Variants in TWSG1 observed in about 807,000 individuals in gnomAD.
TWSG1 encodes twisted gastrulation BMP signaling modulator 1, also known as twisted gastrulation protein homolog 1.
TWSG1 carries 15 observed loss-of-function variants against 23.0 expected under a neutral mutation model. The ratio of observed to expected loss-of-function variants is 0.65; its 90% CI spans 0.44 to 1.00. The LOEUF is 1.00. Among genes scored for constraint, TWSG1 ranks in the 50% least tolerant of loss-of-function variants. TWSG1 has a pLI of 0.00. For synonymous variants in TWSG1, 86 were observed against 92.8 expected (o/e 0.93, Z 0.42); for missense variants, 242 against 278.7 (o/e 0.87, Z 0.94).
chr18:9,362,401 T>G (rs2040556560), intron 3 of TWSG1, among the ~76,000 whole-genome samples: 1 of 151,976 alleles, frequency 6.6e-6, no homozygotes, highest in Non-Finnish European at 1.5e-5. Flanking sequence ...GGAGACAGGG[T>G]TTCGCCATGT....
chr18:9,337,458 G>GTATT (rs3975825), intron 2 of TWSG1, 106 bp downstream of exon 2: 236,116 of 1,247,902 alleles, frequency 0.19, 24,469 homozygotes, highest in East Asian at 0.26. Flanking sequence ...TAAGACCTGA[G>GTATT]TATTGGGTCA....
chr18:9,383,173 C>T (rs1043524798), intron 3 of TWSG1, among the ~76,000 whole-genome samples: 2 of 143,730 alleles, frequency 1.4e-5, no homozygotes, highest in African/African-American at 5.3e-5. Flanking sequence ...TGGTGATATC[C>T]GAATTACACG....
chr18:9,378,454 C>T (rs935945294), intron 3 of TWSG1, among the ~76,000 whole-genome samples: 9 of 152,256 alleles, frequency 5.9e-5, no homozygotes, highest in East Asian at 3.9e-4. Flanking sequence ...AAATCAGTAG[C>T]GCTTTTATAC....
chr18:9,382,806 C>CAAAAAA (rs369549581), intron 3 of TWSG1, among the ~76,000 whole-genome samples: 12 of 80,648 alleles, frequency 1.5e-4, no homozygotes, highest in Middle Eastern at 6.8e-3. Flanking sequence ...GACTCCGTCT[C>CAAAAAA]AAAAAAAAAA....
chr18:9,347,754 A>C (rs1473957360), intron 2 of TWSG1, among the ~76,000 whole-genome samples: 1 of 151,996 alleles, frequency 6.6e-6, no homozygotes, highest in African/African-American at 2.4e-5. Flanking sequence ...TTTTAATTTT[A>C]GCAATAACTT....
At chr18:9,392,741 T>C (rs1240492979) in intron 3 of TWSG1, among the ~76,000 whole-genome samples, 1 of 152,200 alleles carries the variant, frequency 6.6e-6, no homozygotes, top group Non-Finnish European at 1.5e-5. Flanking sequence ...CTGGGTTATT[T>C]GTTTGTTTAC....
chr18:9,352,450 T>C (rs2040506410), intron 2 of TWSG1, among the ~76,000 whole-genome samples: 1 of 152,218 alleles, frequency 6.6e-6, no homozygotes, highest in South Asian at 2.1e-4. Flanking sequence ...TACCTAGGAA[T>C]GGGATTGCTG....
At chr18:9,364,661 G>T (rs180925141) in intron 3 of TWSG1, among the ~76,000 whole-genome samples, 4,672 of 152,146 alleles carry the variant, frequency 0.031, 123 homozygotes, top group Non-Finnish European at 0.048. Flanking sequence ...AGGTGTGGTG[G>T]TAGGCACCTG....
rs557732254 is a variant in TWSG1 at position 9,341,582 on chromosome 18, T to G, written c.123+4230T>G. 6.6e-5 allele frequency among the ~76,000 whole-genome samples: 10 copies of G among 152,314 alleles called. No individual in the cohort carries two copies. In the South Asian group the frequency reaches 2.1e-3, roughly 32 times the overall value. On this transcript the variant is annotated intron_variant, in intron 2 of 4. Transcript: ENST00000262120. Reference sequence around the variant, plus strand: ...AGATGTTATATATCTAAAATTGCCTTTCTGCTATAACAGATAAGGTCATAG... The same window carrying G: ...AGATGTTATATATCTAAAATTGCCTGTCTGCTATAACAGATAAGGTCATAG...
chr18:9,346,580 T>C (rs11876171), intron 2 of TWSG1, among the ~76,000 whole-genome samples: 101,220 of 151,848 alleles, frequency 0.67, 34,207 homozygotes, highest in Middle Eastern at 0.75. Context: ...AATTCAAGAT[T>C]GTAGTGAGAC....
chr18:9,396,792 G>C (rs774749565), intron 4 of TWSG1: 3 of 569,274 alleles, frequency 5.3e-6, no homozygotes, highest in Non-Finnish European at 9.0e-6. Context: ...TGGGCGTGGT[G>C]GCTCATGCCT....
chr18:9,398,655 C>T (rs1598837760), intron 4 of TWSG1, among the ~76,000 whole-genome samples: 1 of 151,990 alleles, frequency 6.6e-6, no homozygotes, highest in Non-Finnish European at 1.5e-5. Flanking sequence ...GACAGGGTTT[C>T]GCCATGTTAG....
intron 3 of TWSG1, among the ~76,000 whole-genome samples, chr18:9,383,183 GTTTTTTTTTTGT>G (rs2040666546): frequency 1.3e-5 from 1 of 75,338 alleles, no homozygotes; most frequent in Admixed American, 1.9e-4. Flanking sequence ...CGAATTACAC[GTTTTTTTTTTGT>G]TTTTTTTTTT....
rs368376614 is a variant in TWSG1, at chr18:9,337,233, A to G, written c.4A>G (p.Lys2Glu). ...TGATCATCTTCTTTGAAGAAACATG[A>G]AGTTACACTATGTTGCTGTGCTTAC... is the stretch of plus-strand genomic sequence containing the variant. M[K>E]LHYVAVLTLA... The change falls in exon 2 of 5, where the codon AAG (lysine) becomes GAG (glutamate). Residue 2 changes from lysine to glutamate, a missense_variant. Physicochemically the swap from Lys to Glu is moderately conservative, Grantham distance 56. Coordinates refer to ENST00000262120, the MANE Select transcript of TWSG1 (RefSeq NM_020648.6). 2.2e-5 allele frequency: 36 copies of G among 1,611,234 alleles called. No individual in the cohort carries two copies. The highest frequency in any genetic ancestry group is 3.0e-5 in the Non-Finnish European group (35 of 1,179,938).
At chr18:9,392,057 G>A (rs2040715296) in intron 3 of TWSG1, among the ~76,000 whole-genome samples, 1 of 152,194 alleles carries the variant, frequency 6.6e-6, no homozygotes, top group Admixed American at 6.5e-5. Context: ...TCTTATGGAT[G>A]CCCTAGGGTT....
intron 2 of TWSG1, among the ~76,000 whole-genome samples, chr18:9,354,552 A>T (rs1460605011): frequency 6.6e-6 from 1 of 152,254 alleles, no homozygotes; most frequent in African/African-American, 2.4e-5. Flanking sequence ...CTTTGAAATA[A>T]TAGTAAAATA....
rs1368253671 is a variant in TWSG1 at position 9,334,798 on chromosome 18, G to T, written c.-160G>T. 2.0e-5 allele frequency: 3 copies of T among 151,680 alleles called. No homozygotes were observed. The highest frequency in any genetic ancestry group is 2.1e-4 in the South Asian group (1 of 4,816). The allele number at this position is 151,680 out of a possible 1,614,324, so 9.4% of individuals were successfully genotyped here. On this transcript the variant is annotated 5_prime_UTR_variant, in exon 1 of 5. Coordinates refer to ENST00000262120, the MANE Select transcript of TWSG1 (RefSeq NM_020648.6). This position sits in a 1 kb window ranked among gnomAD's most constrained non-coding sequence, Gnocchi z 4.7. ...AAGGTGCCCGAGGCTCGCGGGCGCTGCGCTGAGGGGACGGCGGGAGGCGCG... is the reference window on the plus strand; with the variant it reads ...AAGGTGCCCGAGGCTCGCGGGCGCTTCGCTGAGGGGACGGCGGGAGGCGCG...
At chr18:9,337,854 G>A (rs959326385) in intron 2 of TWSG1, among the ~76,000 whole-genome samples, 2 of 152,174 alleles carry the variant, frequency 1.3e-5, no homozygotes, top group African/African-American at 4.8e-5. Context: ...TAGCCAGGTG[G>A]CTGTGGCTTA....
At chr18:9,366,368 A>G (rs1481760650) in intron 3 of TWSG1, among the ~76,000 whole-genome samples, 1 of 152,128 alleles carries the variant, frequency 6.6e-6, no homozygotes, top group Non-Finnish European at 1.5e-5. Flanking sequence ...GTGTCAGGCA[A>G]CAGGCACAGT....
Sources: allele counts gnomAD v4.1 joint callset (sites outside exome capture counted in the v4.1 genomes callset), GRCh38; gene constraint gnomAD v4.1.1; non-coding constraint Gnocchi (gnomAD v3.1); transcripts MANE v1.5; gene names NCBI Gene and HGNC (gene_info 2026-07-23, HGNC 2026-07-21).